Variants in CTBP2 observed in about 807,000 individuals in gnomAD.
The protein encoded by CTBP2 is C-terminal-binding protein 2.
Under a neutral mutation model 80.3 loss-of-function variants are expected in CTBP2, and 30 were observed. The observed-to-expected ratio is 0.37, with a 90% CI of 0.28 to 0.51. The LOEUF (loss-of-function observed/expected upper bound fraction) is 0.51. Among genes scored for constraint, CTBP2 ranks in the 20% least tolerant of loss-of-function variants. CTBP2 has a pLI of 0.93. For missense variants in CTBP2, 1,212 were observed against 1,375.3 expected, an observed-to-expected ratio of 0.88 and a Z score of 1.88; for synonymous variants, 594 against 587.4, an observed-to-expected ratio of 1.01 and a Z score of -0.16.
intron 2 of CTBP2, among the ~76,000 whole-genome samples, chr10:125,063,791 A>G (rs1241439229): frequency 9.9e-5 from 15 of 152,246 alleles, no homozygotes; most frequent in Admixed American, 8.5e-4. Context: ...CAAAAGCATT[A>G]AGCAGACACA....
At chr10:125,103,624 C>CA (rs1281573375) in intron 2 of CTBP2, among the ~76,000 whole-genome samples, 1 of 152,136 alleles carries the variant, frequency 6.6e-6, no homozygotes, top group Non-Finnish European at 1.5e-5. Context: ...GACGCTTCTG[C>CA]GACATGCAGA....
At chr10:125,013,652 C>T (rs563223354) in intron 1 of CTBP2, among the ~76,000 whole-genome samples, 1 of 152,322 alleles carries the variant, frequency 6.6e-6, no homozygotes, top group South Asian at 2.1e-4. Flanking sequence ...CAACCCTGTG[C>T]CGTAGGCGCT....
At chr10:125,073,160 T>C (rs904063589) in intron 2 of CTBP2, among the ~76,000 whole-genome samples, 3 of 152,232 alleles carry the variant, frequency 2.0e-5, no homozygotes, top group Non-Finnish European at 4.4e-5. Flanking sequence ...TTTTACATCA[T>C]CTTTCTTTCT....
intron 3 of CTBP2, chr10:124,999,217 C>G (rs1422753464): frequency 6.6e-6 from 1 of 152,310 alleles, no homozygotes; most frequent in Non-Finnish European, 1.5e-5. Flanking sequence ...GTGTGGCTAT[C>G]TGGGCATCAC....
intron 1 of CTBP2, among the ~76,000 whole-genome samples, chr10:125,024,687 C>T (rs1000099236): frequency 5.3e-5 from 8 of 152,144 alleles, no homozygotes; most frequent in Non-Finnish European, 8.8e-5. Context: ...TTTGCAAGCC[C>T]GGCCATTATC....
At chr10:125,126,119 C>T (rs749155655) in intron 1 of CTBP2, among the ~76,000 whole-genome samples, 2 of 152,168 alleles carry the variant, frequency 1.3e-5, no homozygotes, top group Non-Finnish European at 2.9e-5. Context: ...GCAGCGGTGG[C>T]CTGGGAGAGG....
At chr10:125,023,121 G>A (rs952256029) in intron 1 of CTBP2, among the ~76,000 whole-genome samples, 5 of 152,170 alleles carry the variant, frequency 3.3e-5, no homozygotes, top group African/African-American at 4.8e-5. Flanking sequence ...CACAGACCAC[G>A]CGCTCCTCCC....
At chr10:125,074,612 C>G (rs992764591) in intron 2 of CTBP2, among the ~76,000 whole-genome samples, 1 of 152,244 alleles carries the variant, frequency 6.6e-6, no homozygotes, top group Non-Finnish European at 1.5e-5. Context: ...TCCCAAAGTG[C>G]TGGGTTACAG....
intron 1 of CTBP2, among the ~76,000 whole-genome samples, chr10:125,147,323 C>A (rs1473347209): frequency 6.6e-6 from 1 of 152,240 alleles, no homozygotes; most frequent in East Asian, 1.9e-4. Context: ...ACTGGGCCCC[C>A]ACCCTGGCTG....
chr10:125,161,412 A>G (rs1861883832), upstream of CTBP2, among the ~76,000 whole-genome samples: 1 of 151,656 alleles, frequency 6.6e-6, no homozygotes, highest in African/African-American at 2.4e-5. Flanking sequence ...ACGTGGGGGA[A>G]CGCGAGCCCC....
rs7067816 is a variant in CTBP2, at chr10:125,026,567, C to A, written c.1193G>T (p.Arg398Leu). ...GGGACGGCGAGCCGGGTCTCCAGCT[C>A]GGGGGGATGCTGTCTGCAGAGGAGC... The change falls in exon 1 of 9, where the codon CGA (arginine) becomes CTA (leucine). Residue 398 changes from arginine to leucine, a missense_variant. This residue lies in a region of CTBP2 where 848 missense variants were observed against 782.3 expected (regional missense o/e 1.08). Coordinates refer to ENST00000309035, the MANE Select transcript of CTBP2 (RefSeq NM_022802.3). 6.7e-3 allele frequency: 10,262 copies of A among 1,541,354 alleles called. 518 individuals carry two copies. In the African/African-American group the frequency reaches 0.12, roughly 19 times the overall value.
At chr10:125,122,881 T>G (rs1854571694) in intron 1 of CTBP2, 1 of 152,160 alleles carries the variant, frequency 6.6e-6, no homozygotes, top group Non-Finnish European at 1.5e-5. Flanking sequence ...GGGTCAAAAA[T>G]CTTCCAGTCA....
intron 1 of CTBP2, among the ~76,000 whole-genome samples, chr10:125,117,893 C>A (rs1034423172): frequency 6.6e-6 from 1 of 152,170 alleles, no homozygotes; most frequent in Non-Finnish European, 1.5e-5. Flanking sequence ...TCATTATGAC[C>A]CCCTGATGCC....
intron 3 of CTBP2, 107 bp from the exon 6 acceptor site, chr10:124,998,277 G>T (rs1467162387): frequency 8.5e-6 from 11 of 1,287,632 alleles, no homozygotes; most frequent in Non-Finnish European, 1.2e-5. Context: ...GGCACCGGGG[G>T]AGGCCCACCT....
chr10:125,064,759 G>A (rs1047682530), intron 2 of CTBP2, among the ~76,000 whole-genome samples: 6 of 152,222 alleles, frequency 3.9e-5, no homozygotes, highest in African/African-American at 1.4e-4. Context: ...CCTTGACCCT[G>A]CTTCCCTGAC....
intron 1 of CTBP2, among the ~76,000 whole-genome samples, chr10:125,014,958 C>T (rs1033182727): frequency 1.3e-5 from 2 of 152,334 alleles, no homozygotes; most frequent in East Asian, 3.9e-4. Flanking sequence ...AGTGAGCGTT[C>T]GTCAACCCAA....
intron 1 of CTBP2, among the ~76,000 whole-genome samples, chr10:125,147,505 G>C (rs2133354118): frequency 6.6e-6 from 1 of 152,224 alleles, no homozygotes; most frequent in East Asian, 1.9e-4. Flanking sequence ...TGGGCCCCAG[G>C]AATCAATGAG....
At chr10:125,002,902 G>A (rs4348846) in intron 3 of CTBP2, 58 bp downstream of exon 5, 316,843 of 1,593,094 alleles carry the variant, frequency 0.2, 37,615 homozygotes, top group African/African-American at 0.53. Flanking sequence ...AAGCCCACCC[G>A]AGCAGGGCCC....
intron 2 of CTBP2, among the ~76,000 whole-genome samples, chr10:125,082,588 TC>T (rs1397598830): frequency 0.041 from 5,234 of 128,284 alleles, 318 homozygotes; most frequent in African/African-American, 0.15. Flanking sequence ...CCAGCTTTCC[TC>T]TTTTTTTTTT....
Sources: gnomAD v4.1 joint callset for allele counts (sites outside exome capture counted in the v4.1 genomes callset) on GRCh38, gnomAD v4.1.1 for gene constraint, gnomAD v4.1.1 regional missense constraint, MANE v1.5 for transcripts, NCBI Gene and HGNC (gene_info 2026-07-23, HGNC 2026-07-21) for gene names.